Variants in ZXDC observed in about 807,000 individuals in gnomAD.
ZXDC encodes the protein ZXD family zinc finger C.
Under a neutral mutation model 63.6 loss-of-function variants are expected in ZXDC, and 58 were observed. That is an observed-to-expected ratio of 0.91 (90% CI 0.74 to 1.13). ZXDC has a LOEUF of 1.13. ZXDC is among the 50% of genes most tolerant of loss of function. ZXDC has a pLI of 0.00. For missense variants in ZXDC, 1,133 were observed against 1,148.9 expected, an observed-to-expected ratio of 0.99 and a Z score of 0.20; for synonymous variants, 561 against 496.1, an observed-to-expected ratio of 1.13 and a Z score of -1.74.
chr3:126,463,498 T>C (rs1432607280), intron 5 of ZXDC, among the ~76,000 whole-genome samples: 3 of 152,232 alleles, frequency 2.0e-5, no homozygotes, highest in Admixed American at 2.0e-4. Flanking sequence ...GGGGGAATAA[T>C]GACTTCCAAA....
chr3:126,453,482 T>A, intron 7 of ZXDC: 1 of 985,478 alleles, frequency 1.0e-6, no homozygotes, highest in Non-Finnish European at 1.2e-6. Context: ...ACATCCCTTG[T>A]GTTCCATATA....
chr3:126,468,279 C>T (rs752950116), intron 4 of ZXDC, among the ~76,000 whole-genome samples: 2 of 152,004 alleles, frequency 1.3e-5, no homozygotes, highest in Admixed American at 6.6e-5. Flanking sequence ...CTCAGACATA[C>T]TTCTGGTCTG....
intron 7 of ZXDC, among the ~76,000 whole-genome samples, chr3:126,445,117 TAC>T (rs750669837): frequency 4.6e-5 from 7 of 152,230 alleles, no homozygotes; most frequent in Non-Finnish European, 8.8e-5. Flanking sequence ...AGACACCAGT[TAC>T]ACTGAGAAGA....
chr3:126,439,659 A>G lies in ZXDC; in HGVS notation c.2463T>C (p.Thr821=). The G allele has an allele frequency of 1.3e-6, 2 of 1,553,900 alleles. No homozygotes were observed. Among genetic ancestry groups the G allele is most frequent in the Non-Finnish European group, 8.7e-7 (1 of 1,148,006 alleles). ...GGAGGACGTAGACGGGCAGGTCCAC[A>G]GTGAGGAAGGGGAGGAAGGTGGCTG... ...RGPATFLPFL[T]VDLPVYVLQE... Residue 821 remains threonine (T), a synonymous_variant, in exon 9 of 10, where the codon ACT becomes ACC. Coordinates refer to ENST00000389709, the MANE Select transcript of ZXDC (RefSeq NM_025112.5).
chr3:126,451,548 G>T (rs1365927816), intron 7 of ZXDC: 7 of 985,410 alleles, frequency 7.1e-6, no homozygotes, highest in Non-Finnish European at 8.4e-6. Context: ...ACATCACAGA[G>T]TGTCCCCAGT....
chr3:126,453,541 CACATGTAAT>C (rs1934191749), intron 7 of ZXDC: 1 of 985,316 alleles, frequency 1.0e-6, no homozygotes, highest in Non-Finnish European at 1.2e-6. Context: ...CTAAGACCCT[CACATGTAAT>C]CCACAAGAAT....
At position 126,439,625 on chromosome 3, in the gene ZXDC, T is replaced by C. The variant is rs374667152; in HGVS notation, c.2490+7A>G. On this transcript the variant is annotated splice_region_variant and intron_variant, in intron 9 of 9. Transcript: ENST00000389709. ...AAGAAAAACAAAGGGCAGTAAGGCATCCAGACCTGGAGGACGTAGACGGGC... is the reference window on the plus strand; with the variant it reads ...AAGAAAAACAAAGGGCAGTAAGGCACCCAGACCTGGAGGACGTAGACGGGC... 1.3e-6 allele frequency: 2 copies of C among 1,552,236 alleles called. No individual in the cohort carries two copies. The highest frequency in any genetic ancestry group is 2.7e-5 in the African/African-American group (2 of 73,066).
rs544925091 is a variant in ZXDC at position 126,459,036 on chromosome 3, A to G, written c.2212+617T>C. On this transcript the variant is annotated intron_variant, in intron 7 of 9. Coordinates refer to ENST00000389709, the MANE Select transcript of ZXDC (RefSeq NM_025112.5). ...ACAAATGAAATACACAAAAAACAAT[A>G]TATTTTAAAAATCCACTGTTAGTTT... 1.1e-5 allele frequency: 11 copies of G among 984,350 alleles called. No individual in the cohort carries two copies. In the South Asian group the frequency reaches 2.8e-4, roughly 25 times the overall value. The allele number at this position is 984,350 out of a possible 1,614,324, so 61.0% of individuals were successfully genotyped here.
At chr3:126,458,457 C>G in intron 7 of ZXDC, 1 of 347,582 alleles carries the variant, frequency 2.9e-6, no homozygotes, top group Non-Finnish European at 4.0e-6. Flanking sequence ...AGGCTGGTCT[C>G]GAACTCCTGA....
chr3:126,462,800 G>T (rs1220786240), intron 5 of ZXDC, among the ~76,000 whole-genome samples: 4 of 152,194 alleles, frequency 2.6e-5, no homozygotes, highest in Non-Finnish European at 5.9e-5. Context: ...GTGAACAAAG[G>T]AAATAAAACT....
At chr3:126,465,369 A>G (rs1281613394) in intron 5 of ZXDC, among the ~76,000 whole-genome samples, 2 of 152,184 alleles carry the variant, frequency 1.3e-5, no homozygotes, top group Non-Finnish European at 2.9e-5. Flanking sequence ...AAAGCTGCCC[A>G]ATGACTAGGC....
intron 5 of ZXDC, 97 bp downstream of exon 5, chr3:126,466,058 C>T (rs897568894): frequency 2.6e-5 from 37 of 1,418,954 alleles, no homozygotes; most frequent in African/African-American, 5.7e-5. Flanking sequence ...CACTGCCTGA[C>T]GCCTTCCAAG....
chr3:126,451,675 G>A (rs1344542605), intron 7 of ZXDC: 7 of 985,294 alleles, frequency 7.1e-6, no homozygotes, highest in Non-Finnish European at 8.4e-6. Flanking sequence ...CAATGTCCTT[G>A]TGAGCACCAA....
At chr3:126,456,599 C>T (rs978192463) in intron 7 of ZXDC, among the ~76,000 whole-genome samples, 1 of 152,218 alleles carries the variant, frequency 6.6e-6, no homozygotes, top group Non-Finnish European at 1.5e-5. Flanking sequence ...TGCCTGGGCC[C>T]CTTTTCCCTC....
chr3:126,447,987 G>A (rs963551101), intron 7 of ZXDC, among the ~76,000 whole-genome samples: 2 of 152,130 alleles, frequency 1.3e-5, no homozygotes, highest in Admixed American at 1.3e-4. Context: ...CAATCCTGCC[G>A]CTGCCCCTGC....
At chr3:126,442,748 C>T (rs1240840096) in intron 7 of ZXDC, 1 of 152,196 alleles carries the variant, frequency 6.6e-6, no homozygotes, top group East Asian at 1.9e-4. Context: ...TAGGCACTGT[C>T]ACTGCTCTGC....
chr3:126,459,615 G>C (rs767801323), intron 7 of ZXDC, 38 bp downstream of exon 7: 4 of 1,613,736 alleles, frequency 2.5e-6, no homozygotes, highest in South Asian at 1.1e-5. Context: ...AGAACCCTCA[G>C]GCCCTTGCTC....
At chr3:126,460,952 G>C (rs1934504217) in intron 6 of ZXDC, 1 of 982,478 alleles carries the variant, frequency 1.0e-6, no homozygotes, top group South Asian at 4.7e-5. Context: ...TATCTCCTAA[G>C]AATCTTTAAA....
chr3:126,451,879 A>T (rs1384656650), intron 7 of ZXDC: 1 of 984,750 alleles, frequency 1.0e-6, no homozygotes, highest in East Asian at 1.1e-4. Flanking sequence ...GCAGGTCTCC[A>T]CCTCATAGGG....
Sources: allele counts gnomAD v4.1 joint callset (sites outside exome capture counted in the v4.1 genomes callset), GRCh38; gene constraint gnomAD v4.1.1; transcripts MANE v1.5; gene names NCBI Gene and HGNC (gene_info 2026-07-23, HGNC 2026-07-21).